Variants in ZNF714 observed in about 807,000 individuals in gnomAD.
ZNF714 encodes the protein zinc finger protein 714.
ZNF714 carries 32 observed loss-of-function variants against 46.2 expected under a neutral mutation model. The observed-to-expected ratio is 0.69, with a 90% CI of 0.52 to 0.93. The LOEUF (loss-of-function observed/expected upper bound fraction) is 0.93. ZNF714 is among the 40% of genes least tolerant of loss of function. The pLI, the probability that ZNF714 is intolerant of heterozygous loss-of-function variation, is 0.00. For missense variants in ZNF714, 635 were observed against 646.3 expected, an observed-to-expected ratio of 0.98 and a Z score of 0.19; for synonymous variants, 199 against 213.1, an observed-to-expected ratio of 0.93 and a Z score of 0.58.
rs763454084 is a variant in ZNF714, at chr19:21,082,303, A to G, written c.-222A>G. On this transcript the variant is annotated 5_prime_UTR_variant, in exon 1 of 5. Coordinates refer to ENST00000456283, the MANE Select transcript of ZNF714 (RefSeq NM_182515.4). ...GTGGCCCTGTGACCTGCAGGTATTG[A>G]GAGATCCACAGCTAAGACGCCAGGT... is the stretch of plus-strand genomic sequence containing the variant. 1.0e-5 allele frequency: 15 copies of G among 1,448,440 alleles called. No individual in the cohort carries two copies. The highest frequency in any genetic ancestry group is 2.8e-5 in the African/African-American group (2 of 71,830). 89.7% of individuals were successfully genotyped at this position (1,448,440 alleles called of 1,614,324 possible).
In ZNF714 at chr19:21,118,245, A is replaced by G. The variant is rs1191511513; in HGVS notation, c.1581A>G (p.Gly527=). The G allele has an allele frequency of 6.6e-7, 1 of 1,523,988 alleles. No homozygotes were observed. Among genetic ancestry groups the G allele is most frequent in the Non-Finnish European group, 9.0e-7 (1 of 1,117,102 alleles). 94.4% of individuals were successfully genotyped at this position (1,523,988 alleles called of 1,614,324 possible). ...RGLGEQIARS[G]VQDQPGQHGK... ...TAGGTGAGCAGATCGCGAGGTCAGGAGTTCAAGACCAGCCTGGCCAACATG... is the reference window on the plus strand; with the variant it reads ...TAGGTGAGCAGATCGCGAGGTCAGGGGTTCAAGACCAGCCTGGCCAACATG... Residue 527 remains glycine (G), a synonymous_variant, in exon 5 of 5, where the codon GGA becomes GGG. Coordinates refer to ENST00000456283, the MANE Select transcript of ZNF714 (RefSeq NM_182515.4).
At chr19:21,085,163 G>T (rs910080464) in intron 2 of ZNF714, among the ~76,000 whole-genome samples, 1 of 152,014 alleles carries the variant, frequency 6.6e-6, no homozygotes, top group Non-Finnish European at 1.5e-5. Context: ...ATTCTATTTT[G>T]GCTGTAGAAA....
At chr19:21,112,356 A>G (rs939166338) in intron 4 of ZNF714, among the ~76,000 whole-genome samples, 3 of 151,872 alleles carry the variant, frequency 2.0e-5, no homozygotes, top group Non-Finnish European at 2.9e-5. Context: ...CATTTCTTCT[A>G]GATTTTCCAG....
intron 4 of ZNF714, among the ~76,000 whole-genome samples, chr19:21,100,864 C>A (rs896289915): frequency 1.4e-4 from 22 of 151,928 alleles, no homozygotes; most frequent in African/African-American, 4.6e-4. Context: ...CCCACCACTA[C>A]ACCTGGCTAA....
rs749638827 is a variant in ZNF714 at position 21,117,645 on chromosome 19, C to A, written c.981C>A (p.Thr327=). ...QCGKGFNWSS[T]LTKHKRIHTG... ...GCAAAGGCTTTAACTGGTCTTCAAC[C>A]CTTACAAAACATAAAAGAATTCATA... The change falls in exon 5 of 5, where the codon ACC becomes ACA. Residue 327 remains threonine, a synonymous_variant. Transcript: ENST00000456283. 1 of 1,613,360 alleles carries A rather than the reference C, an allele frequency of 6.2e-7. No homozygotes were observed. The highest frequency in any genetic ancestry group is 8.5e-7 in the Non-Finnish European group (1 of 1,179,750).
chr19:21,110,293 T>C (rs978366726), intron 4 of ZNF714, among the ~76,000 whole-genome samples: 3 of 152,214 alleles, frequency 2.0e-5, no homozygotes, highest in Admixed American at 1.3e-4. Context: ...ACCATTTTGA[T>C]GGCATGAAAT....
intron 4 of ZNF714, among the ~76,000 whole-genome samples, chr19:21,107,697 A>G (rs926510588): frequency 1.7e-4 from 26 of 152,070 alleles, no homozygotes; most frequent in African/African-American, 6.3e-4. Context: ...TTTTTATTTT[A>G]TTTGTTTTAG....
chr19:21,090,241 G>A (rs1041794281), intron 2 of ZNF714, among the ~76,000 whole-genome samples: 1 of 152,206 alleles, frequency 6.6e-6, no homozygotes, highest in African/African-American at 2.4e-5. Flanking sequence ...GCCTGTGGCA[G>A]GTTGGGGAAG....
At chr19:21,098,389 T>G in intron 3 of ZNF714, 78 bp downstream of exon 3, 2 of 1,528,634 alleles carry the variant, frequency 1.3e-6, no homozygotes, top group Non-Finnish European at 1.8e-6. Flanking sequence ...TTTTCTTTGG[T>G]AATTTATGCT....
rs1969708382 is a variant in ZNF714 at position 21,121,877 on chromosome 19, G to C, written c.*3545G>C. 1 of 151,820 alleles carries C rather than the reference G, an allele frequency of 6.6e-6. No individual in the cohort carries two copies. The highest frequency in any genetic ancestry group is 1.5e-5 in the Non-Finnish European group (1 of 67,934). 9.4% of individuals were successfully genotyped at this position (151,820 alleles called of 1,614,324 possible). ...GTTTCTTACATTTTTTTTGTTTTAT[G>C]GTTTAGGAAGTATTCATTATATGAG... On this transcript the variant is annotated 3_prime_UTR_variant, in exon 5 of 5. Transcript: ENST00000456283.
rs1016145869 is a variant in ZNF714 at position 21,121,738 on chromosome 19, G to A, written c.*3406G>A. ...AATGCTGAAAGCAAATGTATACTTT[G>A]TGCTTTGTATTGAATTTATTACTGT... On this transcript the variant is annotated 3_prime_UTR_variant, in exon 5 of 5. Coordinates refer to ENST00000456283, the MANE Select transcript of ZNF714 (RefSeq NM_182515.4). The A allele has an allele frequency of 5.9e-5, 9 of 152,178 alleles. No individual in the cohort carries two copies. Among genetic ancestry groups the A allele is most frequent in the Non-Finnish European group, 1.5e-5 (1 of 68,026 alleles). The allele number at this position is 152,178 out of a possible 1,614,324, so 9.4% of individuals were successfully genotyped here. A position where few individuals can be genotyped will look rare whatever the true frequency, so the allele number is the denominator to read the frequency against.
rs1042761300 is a variant in ZNF714 at position 21,124,903 on chromosome 19, C to T, written c.*6571C>T. The T allele has an allele frequency of 1.3e-5, 2 of 150,000 alleles. No homozygotes were observed. The highest frequency in any genetic ancestry group is 3.9e-4 in the East Asian group (2 of 5,134). 9.3% of individuals were successfully genotyped at this position (150,000 alleles called of 1,614,324 possible). On this transcript the variant is annotated 3_prime_UTR_variant, in exon 5 of 5. Coordinates refer to ENST00000456283, the MANE Select transcript of ZNF714 (RefSeq NM_182515.4). ...TCCCAACTAATATAATGTCCTCCAG[C>T]TTAATCTATGTAATTTAAAATAATA...
intron 4 of ZNF714, among the ~76,000 whole-genome samples, chr19:21,112,380 A>G (rs964432235): frequency 1.8e-4 from 27 of 146,760 alleles, no homozygotes; most frequent in African/African-American, 5.9e-4. Flanking sequence ...TTGTGCACAG[A>G]GGTGTTTATA....
At chr19:21,094,521 C>A (rs955088803) in intron 2 of ZNF714, among the ~76,000 whole-genome samples, 1 of 152,138 alleles carries the variant, frequency 6.6e-6, no homozygotes, top group Non-Finnish European at 1.5e-5. Context: ...TGCAACCTTA[C>A]CAGCATGTTA....
chr19:21,116,047 A>C (rs532821629), intron 4 of ZNF714, among the ~76,000 whole-genome samples: 1 of 151,744 alleles, frequency 6.6e-6, no homozygotes, highest in Non-Finnish European at 1.5e-5. Flanking sequence ...ATTCATTGTA[A>C]TCTTTGATTA....
Position 21,117,138 on chromosome 19 carries a change from A to C in ZNF714, c.474A>C (p.Leu158Phe). The C allele has an allele frequency of 1.2e-6, 2 of 1,613,954 alleles. No homozygotes were observed. The highest frequency in any genetic ancestry group is 1.7e-6 in the Non-Finnish European group (2 of 1,179,894). Reference sequence around the variant, plus strand: ...GTGATGAATCATTTTGCATGCTTTTACACCTACATCAACATAAAAGAATTC... The same window carrying C: ...GTGATGAATCATTTTGCATGCTTTTCCACCTACATCAACATAAAAGAATTC... ...KKCDESFCML[L>F]HLHQHKRIHI... The change falls in exon 5 of 5, where the codon TTA becomes TTC. Residue 158 changes from leucine (L) to phenylalanine (F), a missense_variant. Leu to Phe is a conservative substitution (Grantham distance 22). Coordinates refer to ENST00000456283, the MANE Select transcript of ZNF714 (RefSeq NM_182515.4).
Position 21,116,928 on chromosome 19 carries a change from C to G in ZNF714, c.264C>G (p.Gly88=). The G allele has an allele frequency of 1.1e-5, 18 of 1,613,810 alleles. No individual in the cohort carries two copies. Among genetic ancestry groups the G allele is most frequent in the Non-Finnish European group, 1.5e-5 (18 of 1,179,880 alleles). Residue 88 remains glycine, a synonymous_variant, in exon 5 of 5, where the codon GGC becomes GGG. Transcript: ENST00000456283. ...ATGAGAATTTACAGTTAAGAAAAGGCTCCGCAAATGTGGTTGAGTGTAAGG... is the reference window on the plus strand; with the variant it reads ...ATGAGAATTTACAGTTAAGAAAAGGGTCCGCAAATGTGGTTGAGTGTAAGG... The part of the protein sequence containing the change: ...CEHENLQLRK[G]SANVVECKVY...
At chr19:21,093,647 A>C (rs533108172) in intron 2 of ZNF714, among the ~76,000 whole-genome samples, 1 of 151,730 alleles carries the variant, frequency 6.6e-6, no homozygotes, top group Non-Finnish European at 1.5e-5. Flanking sequence ...AATTAATTTT[A>C]TTTGGAGACA....
At chr19:21,101,031 T>C (rs1372337247) in intron 4 of ZNF714, among the ~76,000 whole-genome samples, 1 of 152,180 alleles carries the variant, frequency 6.6e-6, no homozygotes, top group Non-Finnish European at 1.5e-5. Context: ...TTTAATGTAC[T>C]GTTTATGGTT....
Sources: allele counts gnomAD v4.1 joint callset (sites outside exome capture counted in the v4.1 genomes callset), GRCh38; gene constraint gnomAD v4.1.1; transcripts MANE v1.5; gene names NCBI Gene and HGNC (gene_info 2026-07-23, HGNC 2026-07-21).